YEATS2: variants seen among roughly 807,000 people sequenced by gnomAD.
The protein encoded by YEATS2 is YEATS domain-containing protein 2.
YEATS2 carries 77 observed loss-of-function variants against 163.2 expected under a neutral mutation model. That is an observed-to-expected ratio of 0.47 (90% CI 0.39 to 0.57). The LOEUF (loss-of-function observed/expected upper bound fraction) is 0.57, where lower values mean the gene tolerates loss of function less well. Among genes scored for constraint, YEATS2 ranks in the 20% least tolerant of loss-of-function variants. The probability of loss-of-function intolerance (pLI) is 0.00; values close to 1 mark genes in which losing one functional copy is unlikely to be tolerated. For synonymous variants in YEATS2, 631 were observed against 645.1 expected (o/e 0.98, Z 0.33); for missense variants, 1,549 against 1,729.8 (o/e 0.90, Z 1.85).
In YEATS2 at chr3:183,795,206, C is replaced by A. The variant is rs199717032; in HGVS notation, c.3098-2717C>A. ...AAAAGAAAAAGAAAAAAAGAATAAACCATCTACCCTAATAGTAAATCAGTA... is the reference window on the plus strand; with the variant it reads ...AAAAGAAAAAGAAAAAAAGAATAAAACATCTACCCTAATAGTAAATCAGTA... On this transcript the variant is annotated intron_variant, in intron 21 of 30. Transcript: ENST00000305135. 9.3e-3 allele frequency among the ~76,000 whole-genome samples: 1,403 copies of A among 150,846 alleles called. 65 individuals carry two copies. The East Asian group carries it at 0.14, about 15-fold the overall frequency.
chr3:183,754,053 C>A, intron 10 of YEATS2, 73 bp from the exon 11 acceptor site: 1 of 1,452,486 alleles, frequency 6.9e-7, no homozygotes, highest in Non-Finnish European at 9.1e-7. Context: ...CATTTTTATT[C>A]TTTTTCCACA....
chr3:183,804,235 A>G (rs768725964), intron 27 of YEATS2, 47 bp downstream of exon 27: 3 of 1,607,956 alleles, frequency 1.9e-6, no homozygotes, highest in Admixed American at 1.7e-5. Context: ...GCCTGGAGGC[A>G]TTTGCTGAGG....
chr3:183,750,015 G>C (rs562473895), intron 9 of YEATS2, among the ~76,000 whole-genome samples: 1 of 151,530 alleles, frequency 6.6e-6, no homozygotes, highest in Admixed American at 6.6e-5. Context: ...TAGTAGAGAC[G>C]GGGTTTCACT....
chr3:183,749,624 T>C (rs538689207), intron 9 of YEATS2, among the ~76,000 whole-genome samples: 2 of 152,218 alleles, frequency 1.3e-5, no homozygotes, highest in East Asian at 3.9e-4. Flanking sequence ...TTTCCTTCCT[T>C]TGTAAAAAAA....
chr3:183,749,289 A>C (rs1231318182), intron 9 of YEATS2, among the ~76,000 whole-genome samples: 1 of 152,186 alleles, frequency 6.6e-6, no homozygotes, highest in Non-Finnish European at 1.5e-5. Flanking sequence ...ACGTAACACA[A>C]AATTTACCGT....
At chr3:183,794,402 A>AATCT (rs1382147476) in intron 21 of YEATS2, among the ~76,000 whole-genome samples, 2 of 152,226 alleles carry the variant, frequency 1.3e-5, no homozygotes, top group African/African-American at 4.8e-5. Flanking sequence ...GCAGTGCTAG[A>AATCT]AGCTAGCATA....
intron 19 of YEATS2, among the ~76,000 whole-genome samples, chr3:183,780,964 GTCAAA>G (rs1723506178): frequency 1.3e-5 from 2 of 151,972 alleles, no homozygotes. Flanking sequence ...CAATAAAAAA[GTCAAA>G]TCAATAACAA....
At chr3:183,780,201 A>C (rs1267380756) in intron 19 of YEATS2, among the ~76,000 whole-genome samples, 1 of 152,144 alleles carries the variant, frequency 6.6e-6, no homozygotes, top group Non-Finnish European at 1.5e-5. Context: ...TTCCAACTAC[A>C]TATGTGGATA....
intron 1 of YEATS2, among the ~76,000 whole-genome samples, chr3:183,712,194 T>TTATGTTATGTTATGTTATG (rs1715300862): frequency 3.2e-5 from 3 of 92,462 alleles, no homozygotes; most frequent in African/African-American, 2.2e-4. Context: ...GTTCTTTTAT[T>TTATGTTATGTTATGTTATG]TTATTTTATT....
intron 1 of YEATS2, among the ~76,000 whole-genome samples, chr3:183,710,168 G>T (rs1715049398): frequency 1.3e-5 from 2 of 152,092 alleles, no homozygotes; most frequent in African/African-American, 4.8e-5. Flanking sequence ...TTCAATTTCA[G>T]CTGATTCAGA....
At chr3:183,747,769 C>T in intron 9 of YEATS2, 53 bp downstream of exon 9, 4 of 1,552,232 alleles carry the variant, frequency 2.6e-6, no homozygotes, top group Non-Finnish European at 3.5e-6. Context: ...GAAAATTGAT[C>T]TTCATTTTTT....
chr3:183,790,768 G>A (rs1185881251), intron 20 of YEATS2, 29 bp from the exon 21 acceptor site: 3 of 1,604,966 alleles, frequency 1.9e-6, no homozygotes, highest in East Asian at 2.2e-5. Context: ...TTCCTGAACT[G>A]TGTTGTTTCG....
intron 7 of YEATS2, among the ~76,000 whole-genome samples, chr3:183,730,578 G>T (rs531188536): frequency 6.6e-6 from 1 of 152,266 alleles, no homozygotes; most frequent in South Asian, 2.1e-4. Flanking sequence ...TGGGGTGGAT[G>T]TCTTCCTTGA....
intron 7 of YEATS2, among the ~76,000 whole-genome samples, chr3:183,731,755 C>A (rs994157034): frequency 6.6e-6 from 1 of 152,146 alleles, no homozygotes; most frequent in Admixed American, 6.6e-5. Context: ...GTTTCATTAC[C>A]TGTATGAGGT....
At chr3:183,734,622 T>G (rs1291521065) in intron 7 of YEATS2, among the ~76,000 whole-genome samples, 1 of 152,220 alleles carries the variant, frequency 6.6e-6, no homozygotes, top group Non-Finnish European at 1.5e-5. Context: ...TGATTCCAAA[T>G]GGCATATCTA....
At chr3:183,723,530 A>G (rs1716754776) in intron 5 of YEATS2, among the ~76,000 whole-genome samples, 3 of 152,222 alleles carry the variant, frequency 2.0e-5, no homozygotes, top group Admixed American at 2.0e-4. Context: ...CACCCCCAAA[A>G]TCAGAACTCT....
chr3:183,701,718 A>G (rs75912599), intron 1 of YEATS2, among the ~76,000 whole-genome samples: 2,649 of 152,320 alleles, frequency 0.017, 83 homozygotes, highest in East Asian at 0.15. Flanking sequence ...TTTTAAGTTA[A>G]GTGAATTATA....
chr3:183,714,089 G>T (rs1037622914), intron 1 of YEATS2, among the ~76,000 whole-genome samples: 1 of 149,354 alleles, frequency 6.7e-6, no homozygotes, highest in East Asian at 2.0e-4. Flanking sequence ...AGGCATGAGC[G>T]ACCACACCCG....
At chr3:183,747,160 CT>C (rs958228282) in intron 8 of YEATS2, among the ~76,000 whole-genome samples, 13 of 151,778 alleles carry the variant, frequency 8.6e-5, no homozygotes, top group Non-Finnish European at 1.6e-4. Flanking sequence ...TGTTTTCATT[CT>C]TTTTTTTAAG....
Sources: allele counts gnomAD v4.1 joint callset (sites outside exome capture counted in the v4.1 genomes callset), GRCh38; gene constraint gnomAD v4.1.1; transcripts MANE v1.5; gene names NCBI Gene and HGNC (gene_info 2026-07-23, HGNC 2026-07-21).